The following LRP1B variants were observed in gnomAD, a reference collection of about 807,000 sequenced individuals.
LRP1B encodes low-density lipoprotein receptor-related protein 1B.
Under a neutral mutation model 556.6 loss-of-function variants are expected in LRP1B, and 217 were observed. The observed-to-expected ratio is 0.39, with a 90% CI of 0.35 to 0.44. The LOEUF (loss-of-function observed/expected upper bound fraction) is 0.44, where lower values mean the gene tolerates loss of function less well. LRP1B is among the 20% of genes least tolerant of loss of function. LRP1B has a pLI of 1.00. For synonymous variants in LRP1B, 2,047 were observed against 1,865.8 expected, an observed-to-expected ratio of 1.10 and a Z score of -2.50; for missense variants, 5,053 against 5,620.8, an observed-to-expected ratio of 0.90 and a Z score of 3.23.
intron 6 of LRP1B, among the ~76,000 whole-genome samples, chr2:141,223,229 C>G (rs936294425): frequency 6.6e-6 from 1 of 152,080 alleles, no homozygotes; most frequent in Non-Finnish European, 1.5e-5. Context: ...CGCTAGTTTC[C>G]TATACACCAA....
At chr2:140,809,246 T>A (rs2380890) in intron 32 of LRP1B, among the ~76,000 whole-genome samples, 68,867 of 151,488 alleles carry the variant, frequency 0.45, 16,764 homozygotes, top group East Asian at 0.58. Context: ...GGTATTTTTT[T>A]AAAAAAAAAT....
chr2:141,731,853 C>A (rs1296590925), intron 2 of LRP1B, among the ~76,000 whole-genome samples: 1 of 152,142 alleles, frequency 6.6e-6, no homozygotes, highest in Non-Finnish European at 1.5e-5. Flanking sequence ...GCCCACACTA[C>A]TGTTTTTCTC....
chr2:140,347,965 G>A (rs1681769240), intron 77 of LRP1B, among the ~76,000 whole-genome samples: 1 of 152,006 alleles, frequency 6.6e-6, no homozygotes, highest in Admixed American at 6.6e-5. Context: ...TTACATGGCA[G>A]AGTAATTCAT....
At chr2:141,146,609 T>A (rs985567579) in intron 7 of LRP1B, among the ~76,000 whole-genome samples, 1 of 152,174 alleles carries the variant, frequency 6.6e-6, no homozygotes. Context: ...AAAGGGTAAG[T>A]GATAACTATA....
At chr2:140,662,392 A>G (rs1685128413) in intron 41 of LRP1B, among the ~76,000 whole-genome samples, 2 of 152,138 alleles carry the variant, frequency 1.3e-5, no homozygotes, top group Admixed American at 1.3e-4. Flanking sequence ...TGGTATTAAC[A>G]CAGTCTTCCT....
At chr2:141,428,532 A>G (rs1309897471) in intron 3 of LRP1B, among the ~76,000 whole-genome samples, 2 of 152,170 alleles carry the variant, frequency 1.3e-5, no homozygotes, top group African/African-American at 4.8e-5. Context: ...ACCCCATCAC[A>G]TGTATGGGAC....
At chr2:141,162,392 A>G (rs1340040422) in intron 7 of LRP1B, among the ~76,000 whole-genome samples, 1 of 152,004 alleles carries the variant, frequency 6.6e-6, no homozygotes, top group Non-Finnish European at 1.5e-5. Flanking sequence ...TGTCTTTTAG[A>G]ACAGTCCCTG....
chr2:140,780,400 A>G (rs1169984945), intron 32 of LRP1B, among the ~76,000 whole-genome samples: 2 of 152,236 alleles, frequency 1.3e-5, no homozygotes, highest in Non-Finnish European at 2.9e-5. Context: ...GGCCATTGTT[A>G]AAGTCCAAAT....
At chr2:141,966,074 A>G (rs1701557860) in intron 1 of LRP1B, among the ~76,000 whole-genome samples, 1 of 151,872 alleles carries the variant, frequency 6.6e-6, no homozygotes. Flanking sequence ...TCAAATTAGC[A>G]TGCTCAGTAT....
intron 1 of LRP1B, among the ~76,000 whole-genome samples, chr2:141,952,428 AT>A (rs1208868980): frequency 6.6e-6 from 1 of 152,132 alleles, no homozygotes; most frequent in Non-Finnish European, 1.5e-5. Context: ...TTCTATATAG[AT>A]GCCTTGAACA....
At chr2:140,505,978 A>G (rs1215928566) in intron 53 of LRP1B, among the ~76,000 whole-genome samples, 1 of 152,170 alleles carries the variant, frequency 6.6e-6, no homozygotes, top group African/African-American at 2.4e-5. Flanking sequence ...TAGATATTAT[A>G]TATAACATAG....
intron 3 of LRP1B, among the ~76,000 whole-genome samples, chr2:141,350,332 T>G (rs911152622): frequency 6.6e-6 from 1 of 151,926 alleles, no homozygotes; most frequent in African/African-American, 2.4e-5. Flanking sequence ...TGATGTTTAG[T>G]GTGTTGTCAG....
At chr2:141,644,094 A>G (rs1163634597) in intron 2 of LRP1B, among the ~76,000 whole-genome samples, 1 of 150,932 alleles carries the variant, frequency 6.6e-6, no homozygotes, top group Non-Finnish European at 1.5e-5. Flanking sequence ...CCAGGCTACA[A>G]CCTTGTTCTT....
intron 1 of LRP1B, among the ~76,000 whole-genome samples, chr2:141,879,326 A>G (rs1698877783): frequency 6.6e-6 from 1 of 151,910 alleles, no homozygotes; most frequent in Admixed American, 6.6e-5. Context: ...CATACGAGGG[A>G]TAAGTTAGAA....
chr2:141,538,513 A>T (rs1443426528), intron 2 of LRP1B, among the ~76,000 whole-genome samples: 1 of 152,272 alleles, frequency 6.6e-6, no homozygotes, highest in Non-Finnish European at 1.5e-5. Flanking sequence ...TCAGACTTTG[A>T]AAATATGGTT....
intron 2 of LRP1B, among the ~76,000 whole-genome samples, chr2:141,605,385 T>TTA (rs1486187559): frequency 6.6e-6 from 1 of 152,106 alleles, no homozygotes; most frequent in East Asian, 1.9e-4. Context: ...TTATTTTATT[T>TTA]TTTTTGAAAA....
intron 41 of LRP1B, among the ~76,000 whole-genome samples, chr2:140,667,330 G>A (rs1290756148): frequency 2.0e-5 from 3 of 152,116 alleles, no homozygotes; most frequent in Admixed American, 2.0e-4. Context: ...GGAGACATCA[G>A]GCAATAGAGT....
At chr2:141,406,073 G>A (rs1471095063) in intron 3 of LRP1B, among the ~76,000 whole-genome samples, 1 of 152,000 alleles carries the variant, frequency 6.6e-6, no homozygotes, top group African/African-American at 2.4e-5. Flanking sequence ...CTTATAAGTA[G>A]ATCTTTGTAA....
chr2:140,353,464 G>A (rs533240675), intron 75 of LRP1B, among the ~76,000 whole-genome samples: 5 of 151,972 alleles, frequency 3.3e-5, no homozygotes, highest in South Asian at 2.1e-4. Context: ...TTCCATTCAC[G>A]CAAATAGACC....
Sources: allele counts gnomAD v4.1 joint callset (sites outside exome capture counted in the v4.1 genomes callset), GRCh38; gene constraint gnomAD v4.1.1; transcripts MANE v1.5; gene names NCBI Gene and HGNC (gene_info 2026-07-23, HGNC 2026-07-21).